ANKRD22: variants seen among roughly 807,000 people sequenced by gnomAD.
ANKRD22 encodes the protein ankyrin repeat domain-containing protein 22.
In ANKRD22, 24 loss-of-function variants were observed where a neutral mutation model predicts 25.7. That is an observed-to-expected ratio of 0.93 (90% CI 0.68 to 1.31). The LOEUF is 1.31. ANKRD22 is among the 50% of genes most tolerant of loss of function. The pLI, the probability that ANKRD22 is intolerant of heterozygous loss-of-function variation, is 0.00. For missense variants in ANKRD22, 214 were observed against 227.1 expected, an observed-to-expected ratio of 0.94 and a Z score of 0.37; for synonymous variants, 84 against 84.3, an observed-to-expected ratio of 1.00 and a Z score of 0.02.
At chr10:88,848,111 C>G (rs116654428) in intron 1 of ANKRD22, among the ~76,000 whole-genome samples, 153 of 150,434 alleles carry the variant, frequency 1.0e-3, no homozygotes, top group African/African-American at 3.4e-3. Flanking sequence ...AGCACTTCCA[C>G]TCAAATTTTC....
chr10:88,842,780 G>T (rs1196613960), intron 1 of ANKRD22, among the ~76,000 whole-genome samples: 2 of 152,000 alleles, frequency 1.3e-5, no homozygotes, highest in Non-Finnish European at 2.9e-5. Flanking sequence ...CACATACTTG[G>T]AAAAATAATG....
At chr10:88,844,298 T>C (rs1017644070) in intron 1 of ANKRD22, among the ~76,000 whole-genome samples, 1 of 152,010 alleles carries the variant, frequency 6.6e-6, no homozygotes. Context: ...CCAAGGAAAA[T>C]TGGGTCTCGT....
intron 2 of ANKRD22, among the ~76,000 whole-genome samples, chr10:88,829,521 G>A (rs911559157): frequency 7.2e-5 from 11 of 152,126 alleles, no homozygotes; most frequent in African/African-American, 2.7e-4. Context: ...ACATTTTGTT[G>A]TATTTTCTTC....
chr10:88,820,652 T>C lies in ANKRD22; in HGVS notation c.*2289A>G. The C allele has an allele frequency of 1.4e-6, 1 of 739,646 alleles. No individual in the cohort carries two copies. The highest frequency in any genetic ancestry group is 2.0e-5 in the South Asian group (1 of 50,650). 45.8% of individuals were successfully genotyped at this position (739,646 alleles called of 1,614,324 possible). A position where few individuals can be genotyped will look rare whatever the true frequency, so the allele number is the denominator to read the frequency against. Reference sequence around the variant, plus strand: ...CCGACACTTACATTTACATTTTTTTTCTGTAAATTAAAGTACTTATTAGGT... The same window carrying C: ...CCGACACTTACATTTACATTTTTTTCCTGTAAATTAAAGTACTTATTAGGT... On this transcript the variant is annotated 3_prime_UTR_variant, in exon 6 of 6. Transcript: ENST00000371930.
In ANKRD22 at chr10:88,831,507, T is replaced by C. The variant is rs111237742; in HGVS notation, c.213+328A>G. ...ATCTTTGCCATTGCTTCTGTGTTAG[T>C]AATGAGAAAGAGGGGAGAGGAAGAA... On this transcript the variant is annotated intron_variant, in intron 2 of 5. Coordinates refer to ENST00000371930, the MANE Select transcript of ANKRD22 (RefSeq NM_144590.3). 2.0e-5 allele frequency among the ~76,000 whole-genome samples: 3 copies of C among 152,172 alleles called. 1 individual carries two copies. The highest frequency in any genetic ancestry group is 7.2e-5 in the African/African-American group (3 of 41,494).
chr10:88,838,910 A>G (rs1843979881), intron 1 of ANKRD22, among the ~76,000 whole-genome samples: 1 of 152,174 alleles, frequency 6.6e-6, no homozygotes, highest in African/African-American at 2.4e-5. Flanking sequence ...GAGATTGAAG[A>G]GAAGGAGTAT....
intron 2 of ANKRD22, among the ~76,000 whole-genome samples, chr10:88,829,366 T>C (rs1843884590): frequency 6.6e-6 from 1 of 152,228 alleles, no homozygotes; most frequent in African/African-American, 2.4e-5. Flanking sequence ...TGCAAGGCAC[T>C]GTACCTAAAT....
Position 88,822,544 on chromosome 10 carries a change from C to CTTGTTTTTTTTTTTTTTTTTTTT in ANKRD22, c.*396_*397insAAAAAAAAAAAAAAAAAAAACAA, listed in dbSNP as rs1843808481. On this transcript the variant is annotated 3_prime_UTR_variant, in exon 6 of 6. Transcript: ENST00000371930. ...AAAGACTGAGTTTGGAACACCAGGG[C>CTTGTTTTTTTTTTTTTTTTTTTT]TTTTTTTTTTTTTTTTTTTTTTGAG... is the stretch of plus-strand genomic sequence containing the variant. The CTTGTTTTTTTTTTTTTTTTTTTT allele has an allele frequency of 5.5e-5, 2 of 36,444 alleles. No individual in the cohort carries two copies. The highest frequency in any genetic ancestry group is 7.3e-4 in the East Asian group (1 of 1,370). The allele number at this position is 36,444 out of a possible 1,614,324, so 2.3% of individuals were successfully genotyped here. A position where few individuals can be genotyped will look rare whatever the true frequency, so the allele number is the denominator to read the frequency against.
rs1564600879 is a variant in ANKRD22 at position 88,821,466 on chromosome 10, GT to G, written c.*1474del. 1.3e-5 allele frequency among the ~76,000 whole-genome samples: 2 copies of G among 152,150 alleles called. No homozygotes were observed. Among genetic ancestry groups the G allele is most frequent in the African/African-American group, 4.8e-5 (2 of 41,434 alleles). ...CAAAATCTCTGAAACCAAATCAAAG[GT>G]TTGTGTGTGTCAAAAGTATATTGTT... On this transcript the variant is annotated 3_prime_UTR_variant, in exon 6 of 6. Transcript: ENST00000371930.
intron 1 of ANKRD22, among the ~76,000 whole-genome samples, chr10:88,833,865 G>A (rs1427630592): frequency 2.0e-5 from 3 of 152,188 alleles, no homozygotes; most frequent in Admixed American, 2.0e-4. Flanking sequence ...GATGCAGAAA[G>A]GACTGGGGCA....
intron 2 of ANKRD22, among the ~76,000 whole-genome samples, chr10:88,830,002 A>G (rs937538015): frequency 1.9e-4 from 29 of 152,222 alleles, no homozygotes; most frequent in Admixed American, 5.9e-4. Flanking sequence ...TTGCCTAGGC[A>G]GGTCTTGAAC....
chr10:88,820,485 G>A lies in ANKRD22; in HGVS notation c.*2456C>T, dbSNP rs1843778526. On this transcript the variant is annotated 3_prime_UTR_variant, in exon 6 of 6. Coordinates refer to ENST00000371930, the MANE Select transcript of ANKRD22 (RefSeq NM_144590.3). ...GAGACCAACCTTTCCCAGGGACGGT[G>A]TGAGGCCGTATTGTGAAGCATCTGA... 1.9e-6 allele frequency: 3 copies of A among 1,551,012 alleles called. No homozygotes were observed. The highest frequency in any genetic ancestry group is 1.7e-4 in the Middle Eastern group (1 of 5,800).
chr10:88,831,773 T>C lies in ANKRD22; in HGVS notation c.213+62A>G, dbSNP rs77770283. 561 of 1,465,134 alleles carry C rather than the reference T, an allele frequency of 3.8e-4. 5 individuals are homozygous for C. In the African/African-American group the frequency reaches 6.5e-3, roughly 17 times the overall value. The allele number at this position is 1,465,134 out of a possible 1,614,324, so 90.8% of individuals were successfully genotyped here. On this transcript the variant is annotated intron_variant, in intron 2 of 5. Transcript: ENST00000371930. ...AAAAAATGACATGCACCACTTCTAG[T>C]GATTCAAAGAGAAAAGAATTATCAT...
At chr10:88,847,285 GA>G (rs57755704) in intron 1 of ANKRD22, among the ~76,000 whole-genome samples, 54,945 of 151,774 alleles carry the variant, frequency 0.36, 10,562 homozygotes, top group African/African-American at 0.48. Flanking sequence ...TTGAGATGGA[GA>G]CTCACTCTGT....
chr10:88,848,150 G>GTATA (rs1253798666), intron 1 of ANKRD22, among the ~76,000 whole-genome samples: 1 of 134,864 alleles, frequency 7.4e-6, no homozygotes, highest in African/African-American at 2.8e-5. Context: ...ATATATGCGT[G>GTATA]TATATATATA....
At chr10:88,848,165 T>C (rs955649853) in intron 1 of ANKRD22, among the ~76,000 whole-genome samples, 14 of 130,706 alleles carry the variant, frequency 1.1e-4, no homozygotes, top group Non-Finnish European at 6.3e-5. Context: ...TATATATATG[T>C]ATATATGTGT....
At chr10:88,827,161 C>A (rs144519053) in intron 3 of ANKRD22, among the ~76,000 whole-genome samples, 314 of 152,274 alleles carry the variant, frequency 2.1e-3, no homozygotes, top group African/African-American at 7.2e-3. Context: ...AGTTCTCTCT[C>A]CTTAGGCTTC....
Position 88,826,135 on chromosome 10 carries a change from TAAGA to T in ANKRD22, c.322-24_322-21del. The T allele has an allele frequency of 6.4e-7, 1 of 1,568,076 alleles. No homozygotes were observed. Among genetic ancestry groups the T allele is most frequent in the Non-Finnish European group, 8.7e-7 (1 of 1,144,278 alleles). On this transcript the variant is annotated intron_variant, in intron 3 of 5. Coordinates refer to ENST00000371930, the MANE Select transcript of ANKRD22 (RefSeq NM_144590.3). ...TGATACCTATTACAAATGGTAATTA[TAAGA>T]AAGGCTTATTTACAAATAGTTTCTC...
intron 1 of ANKRD22, among the ~76,000 whole-genome samples, chr10:88,843,348 A>T (rs1844020406): frequency 6.6e-6 from 1 of 152,134 alleles, no homozygotes; most frequent in Non-Finnish European, 1.5e-5. Context: ...TACCTGCCAA[A>T]GGTCAACTGT....
Sources: gnomAD v4.1 joint callset for allele counts (sites outside exome capture counted in the v4.1 genomes callset) on GRCh38, gnomAD v4.1.1 for gene constraint, MANE v1.5 for transcripts, NCBI Gene and HGNC (gene_info 2026-07-23, HGNC 2026-07-21) for gene names.